The following MRC1 variants were observed in gnomAD, a reference collection of about 807,000 sequenced individuals.
The protein encoded by MRC1 is macrophage mannose receptor 1.
Under a neutral mutation model 102.9 loss-of-function variants are expected in MRC1, and 62 were observed. That is an observed-to-expected ratio of 0.60 (90% CI 0.49 to 0.74). The LOEUF is 0.74. Among genes scored for constraint, MRC1 ranks in the 30% least tolerant of loss-of-function variants. The pLI is 0.00. For synonymous variants in MRC1, 457 were observed against 298.4 expected (o/e 1.53, Z -5.48); for missense variants, 1,237 against 862.8 (o/e 1.43, Z -5.43).
In MRC1 at chr10:17,827,725, G is replaced by C; in HGVS notation, c.637+10G>C. 2.6e-6 allele frequency: 2 copies of C among 780,640 alleles called. No individual in the cohort carries two copies. The highest frequency in any genetic ancestry group is 2.4e-6 in the Non-Finnish European group (1 of 417,770). 48.4% of individuals were successfully genotyped at this position (780,640 alleles called of 1,614,324 possible). A position where few individuals can be genotyped will look rare whatever the true frequency, so the allele number is the denominator to read the frequency against. ...TATTGTCCATTGAAATGTAAGTACT[G>C]TTTATCACCAAGAAAAGTTGGGCAC... On this transcript the variant is annotated intron_variant, in intron 3 of 29. Coordinates refer to ENST00000569591, the MANE Select transcript of MRC1 (RefSeq NM_002438.4).
intron 1 of MRC1, among the ~76,000 whole-genome samples, chr10:17,821,731 A>G (rs1554838296): frequency 9.9e-5 from 15 of 152,186 alleles, no homozygotes. Flanking sequence ...AGGATATAGA[A>G]TACAGCTTGC....
intron 1 of MRC1, among the ~76,000 whole-genome samples, chr10:17,810,932 A>G (rs1294367360): frequency 6.6e-6 from 1 of 152,132 alleles, no homozygotes; most frequent in African/African-American, 2.4e-5. Flanking sequence ...AGCTGGGATT[A>G]CAGGCATGCA....
At chr10:17,821,956 T>C (rs957913590) in intron 1 of MRC1, among the ~76,000 whole-genome samples, 4 of 152,074 alleles carry the variant, frequency 2.6e-5, no homozygotes, top group African/African-American at 9.7e-5. Flanking sequence ...TGTCACAAAA[T>C]CAAAGCACTC....
chr10:17,818,679 T>A (rs199886647), intron 1 of MRC1, among the ~76,000 whole-genome samples: 54,653 of 151,938 alleles, frequency 0.36, 10,356 homozygotes, highest in East Asian at 0.43. Context: ...TGTGGTGACA[T>A]GCACCTGTAA....
At chr10:17,820,968 T>C (rs975642957) in intron 1 of MRC1, among the ~76,000 whole-genome samples, 7 of 152,180 alleles carry the variant, frequency 4.6e-5, no homozygotes, top group Non-Finnish European at 1.0e-4. Context: ...TTTGTCCCAC[T>C]AGGGCACGAG....
chr10:17,829,487 A>T (rs1329171926), intron 3 of MRC1, among the ~76,000 whole-genome samples: 4 of 151,514 alleles, frequency 2.6e-5, no homozygotes, highest in African/African-American at 9.8e-5. Context: ...CCTCGGTCTT[A>T]ACTGAGGTAG....
chr10:17,888,743 A>G (rs1833634867), intron 22 of MRC1, among the ~76,000 whole-genome samples: 1 of 152,172 alleles, frequency 6.6e-6, no homozygotes, highest in African/African-American at 2.4e-5. Context: ...TTCTACTATT[A>G]TTGGAAGAAG....
chr10:17,864,113 G>A (rs1302292179), intron 11 of MRC1, among the ~76,000 whole-genome samples: 1 of 151,734 alleles, frequency 6.6e-6, no homozygotes, highest in East Asian at 1.9e-4. Flanking sequence ...AACAATTATC[G>A]TGCCTCAGCC....
chr10:17,816,616 G>A (rs1355021334), intron 1 of MRC1, among the ~76,000 whole-genome samples: 1 of 152,186 alleles, frequency 6.6e-6, no homozygotes, highest in Non-Finnish European at 1.5e-5. Context: ...AAGCCCCCAG[G>A]GCAAAAGGCG....
Position 17,809,411 on chromosome 10 carries a change from C to T in MRC1, c.-55C>T, listed in dbSNP as rs1838188640. 2 of 870,094 alleles carry T rather than the reference C, an allele frequency of 2.3e-6. No homozygotes were observed. The highest frequency in any genetic ancestry group is 2.0e-6 in the Non-Finnish European group (1 of 499,248). The allele number at this position is 870,094 out of a possible 1,614,324, so 53.9% of individuals were successfully genotyped here. On this transcript the variant is annotated 5_prime_UTR_variant, in exon 1 of 30. Transcript: ENST00000569591. ...GCAGTTGGGGGGCCTCGTTGTTTTGCGTCTTAGTTCCGCCCTCCTGTCCAT... is the reference window on the plus strand; with the variant it reads ...GCAGTTGGGGGGCCTCGTTGTTTTGTGTCTTAGTTCCGCCCTCCTGTCCAT...
At chr10:17,874,852 A>G (rs1387326402) in intron 16 of MRC1, among the ~76,000 whole-genome samples, 2 of 152,210 alleles carry the variant, frequency 1.3e-5, no homozygotes, top group East Asian at 1.9e-4. Context: ...GTAATGACAT[A>G]TGGAACATAG....
At chr10:17,884,262 C>G (rs1833558749) in intron 21 of MRC1, among the ~76,000 whole-genome samples, 8 of 152,186 alleles carry the variant, frequency 5.3e-5, no homozygotes. Flanking sequence ...AGCCACCATC[C>G]CCAGCCCCTG....
chr10:17,853,768 A>G (rs1229915221), intron 8 of MRC1, among the ~76,000 whole-genome samples: 1 of 152,106 alleles, frequency 6.6e-6, no homozygotes, highest in African/African-American at 2.4e-5. Flanking sequence ...GTCATATGAA[A>G]TGATTGCTTT....
chr10:17,905,231 C>A (rs1435296205), intron 26 of MRC1, among the ~76,000 whole-genome samples: 3 of 152,112 alleles, frequency 2.0e-5, no homozygotes, highest in African/African-American at 4.8e-5. Context: ...TACAGCAGAA[C>A]TGGAAAGAAG....
intron 29 of MRC1, among the ~76,000 whole-genome samples, chr10:17,909,788 A>G (rs995207176): frequency 6.6e-6 from 1 of 151,692 alleles, no homozygotes; most frequent in Non-Finnish European, 1.5e-5. Context: ...CCTTATTAAC[A>G]TCATGAGTGC....
chr10:17,832,328 G>A lies in MRC1; in HGVS notation c.638-1347G>A, dbSNP rs1054931474. 1.6e-3 allele frequency among the ~76,000 whole-genome samples: 235 copies of A among 151,064 alleles called. 2 individuals are homozygous for A. The highest frequency in any genetic ancestry group is 3.4e-4 in the Non-Finnish European group (23 of 67,988). On this transcript the variant is annotated intron_variant, in intron 3 of 29. Coordinates refer to ENST00000569591, the MANE Select transcript of MRC1 (RefSeq NM_002438.4). Reference sequence around the variant, plus strand: ...TTTATTCACTTTGGGAAGCCGAGGCGGGTGGATCACAAGGTCAGGAGATCG... The same window carrying A: ...TTTATTCACTTTGGGAAGCCGAGGCAGGTGGATCACAAGGTCAGGAGATCG...
intron 6 of MRC1, among the ~76,000 whole-genome samples, chr10:17,847,216 T>G (rs1253391422): frequency 6.6e-6 from 1 of 152,216 alleles, no homozygotes; most frequent in Admixed American, 6.5e-5. Flanking sequence ...AATTTCCATG[T>G]TGCCAAAGAG....
At chr10:17,891,647 C>T (rs1392487915) in intron 22 of MRC1, among the ~76,000 whole-genome samples, 4 of 152,298 alleles carry the variant, frequency 2.6e-5, no homozygotes, top group African/African-American at 9.6e-5. Context: ...ATAAAGGGAA[C>T]AGAGGTAAAT....
intron 29 of MRC1, 44 bp downstream of exon 29, chr10:17,909,391 C>A: frequency 1.2e-6 from 1 of 837,226 alleles, no homozygotes; most frequent in Non-Finnish European, 2.1e-6. Flanking sequence ...AGTAATACAT[C>A]CGTACTGTTT....
Sources: allele counts gnomAD v4.1 joint callset (sites outside exome capture counted in the v4.1 genomes callset), GRCh38; gene constraint gnomAD v4.1.1; transcripts MANE v1.5; gene names NCBI Gene and HGNC (gene_info 2026-07-23, HGNC 2026-07-21).